WFDC9: variants seen among roughly 807,000 people sequenced by gnomAD.
WFDC9 encodes WAP four-disulfide core domain 9, also known as protein WFDC9.
Under a neutral mutation model 9.5 loss-of-function variants are expected in WFDC9, and 9 were observed. The ratio of observed to expected loss-of-function variants is 0.95; its 90% CI spans 0.57 to 1.65. WFDC9 has a LOEUF of 1.65. Ranked by LOEUF, WFDC9 falls within the 40% of genes most tolerant of loss-of-function variation. The pLI is 0.00. For synonymous variants in WFDC9, 33 were observed against 32.3 expected, an observed-to-expected ratio of 1.02 and a Z score of -0.07; for missense variants, 87 against 106.7, an observed-to-expected ratio of 0.82 and a Z score of 0.81.
At chr20:45,621,819 T>G (rs3091567) in intron 1 of WFDC9, among the ~76,000 whole-genome samples, 1 of 151,958 alleles carries the variant, frequency 6.6e-6, no homozygotes, top group Non-Finnish European at 1.5e-5. Context: ...ACCTGATTTC[T>G]TCTGGACTTT....
intron 1 of WFDC9, among the ~76,000 whole-genome samples, chr20:45,625,284 A>G (rs1158441618): frequency 6.6e-6 from 1 of 152,146 alleles, no homozygotes; most frequent in Non-Finnish European, 1.5e-5. Context: ...CTTACGATCC[A>G]ATCACCTCCT....
intron 2 of WFDC9, among the ~76,000 whole-genome samples, chr20:45,610,742 A>T (rs1192797480): frequency 1.3e-5 from 2 of 152,238 alleles, no homozygotes; most frequent in Admixed American, 1.3e-4. Flanking sequence ...TTGAGAAAAG[A>T]TGATGGCCAA....
chr20:45,610,626 AT>A (rs570176306), intron 2 of WFDC9, among the ~76,000 whole-genome samples: 51 of 152,342 alleles, frequency 3.3e-4, no homozygotes, highest in African/African-American at 1.2e-3. Context: ...CTGATATTTT[AT>A]TTTGAAGCAT....
chr20:45,624,316 T>C (rs1049608219), intron 1 of WFDC9, among the ~76,000 whole-genome samples: 1 of 152,214 alleles, frequency 6.6e-6, no homozygotes, highest in Non-Finnish European at 1.5e-5. Context: ...AGACTATGTG[T>C]TGTTTAATTT....
At chr20:45,613,894 G>A (rs937539812) in intron 2 of WFDC9, among the ~76,000 whole-genome samples, 1 of 152,160 alleles carries the variant, frequency 6.6e-6, no homozygotes, top group African/African-American at 2.4e-5. Context: ...TGAGGGATGA[G>A]GTAAGTGGGT....
intron 1 of WFDC9, among the ~76,000 whole-genome samples, chr20:45,619,663 G>A (rs1342285993): frequency 6.6e-6 from 1 of 152,158 alleles, no homozygotes; most frequent in Non-Finnish European, 1.5e-5. Context: ...AATGACAACT[G>A]TATAAAACAA....
rs1289619562 is a variant in WFDC9, at chr20:45,610,258, G to T, written c.-58-19C>A. The T allele has an allele frequency of 5.5e-6, 7 of 1,282,200 alleles. No individual in the cohort carries two copies. The highest frequency in any genetic ancestry group is 6.7e-6 in the Non-Finnish European group (6 of 895,214). 79.4% of individuals were successfully genotyped at this position (1,282,200 alleles called of 1,614,324 possible). Reference sequence around the variant, plus strand: ...CCCAATACTGCTAGACGTAGAAAATGGATTGAGGAGAACAGGGTAAGCAAC... The same window carrying T: ...CCCAATACTGCTAGACGTAGAAAATTGATTGAGGAGAACAGGGTAAGCAAC... On this transcript the variant is annotated intron_variant, in intron 2 of 4. Coordinates refer to ENST00000326000, the MANE Select transcript of WFDC9 (RefSeq NM_147198.4).
chr20:45,631,173 T>G, intron 1 of WFDC9, 30 bp downstream of exon 1: 1 of 807,714 alleles, frequency 1.2e-6, no homozygotes, highest in East Asian at 3.3e-5. Context: ...CCCTGTCAAA[T>G]AAACCAGAAC....
At chr20:45,608,925 C>A (rs1025460153) in intron 3 of WFDC9, 115 bp from the exon 4 acceptor site, 2 of 1,190,520 alleles carry the variant, frequency 1.7e-6, no homozygotes, top group South Asian at 1.7e-5. Flanking sequence ...TATTTCTCTG[C>A]CTTCCAAGAA....
chr20:45,628,615 CACTCTGTAAACTATAGGTACAAATATCAG>C (rs1297596426), intron 1 of WFDC9, among the ~76,000 whole-genome samples: 1 of 152,114 alleles, frequency 6.6e-6, no homozygotes. Flanking sequence ...GGTCAAATAC[CACTCTGTAAACTATAGGTACAAATATCAG>C]AATTTTTGAA....
intron 1 of WFDC9, chr20:45,630,960 A>G (rs143649068): frequency 1.2e-6 from 2 of 1,612,200 alleles, no homozygotes; most frequent in Admixed American, 1.7e-5. Context: ...CGAGATTGTC[A>G]AGCAAATAAC....
chr20:45,619,517 C>T (rs1982046099), intron 1 of WFDC9, among the ~76,000 whole-genome samples: 1 of 152,008 alleles, frequency 6.6e-6, no homozygotes, highest in South Asian at 2.1e-4. Flanking sequence ...TCAAGAAATA[C>T]TAGAGAAAAG....
At chr20:45,617,712 C>T (rs543823998) in intron 1 of WFDC9, among the ~76,000 whole-genome samples, 1 of 152,280 alleles carries the variant, frequency 6.6e-6, no homozygotes, top group African/African-American at 2.4e-5. Context: ...TGGTCTCAAA[C>T]TACTGGCTCA....
chr20:45,618,460 AC>A, intron 1 of WFDC9, among the ~76,000 whole-genome samples: 1 of 152,354 alleles, frequency 6.6e-6, no homozygotes, highest in Middle Eastern at 3.4e-3. Context: ...TCAGCTGTTA[AC>A]ATGCCTTCCT....
At chr20:45,611,127 C>G (rs1048798554) in intron 2 of WFDC9, among the ~76,000 whole-genome samples, 3 of 152,168 alleles carry the variant, frequency 2.0e-5, no homozygotes, top group African/African-American at 7.2e-5. Flanking sequence ...ACGAAAGAGT[C>G]AAGACCAGAA....
intron 2 of WFDC9, among the ~76,000 whole-genome samples, chr20:45,611,383 T>A (rs1981857164): frequency 6.6e-6 from 1 of 152,172 alleles, no homozygotes; most frequent in South Asian, 2.1e-4. Flanking sequence ...ATTTATGTAG[T>A]TGTGACTAAT....
chr20:45,629,949 G>A, intron 1 of WFDC9: 1 of 1,602,564 alleles, frequency 6.2e-7, no homozygotes, highest in African/African-American at 1.3e-5. Context: ...TTGGGTAGGG[G>A]GAATGGAGGG....
chr20:45,628,719 G>C (rs1982280104), intron 1 of WFDC9, among the ~76,000 whole-genome samples: 1 of 152,164 alleles, frequency 6.6e-6, no homozygotes, highest in African/African-American at 2.4e-5. Flanking sequence ...GGAAAGGCTA[G>C]AGAGCTTCCT....
chr20:45,609,483 G>A (rs2235598), intron 3 of WFDC9, among the ~76,000 whole-genome samples: 20,685 of 152,062 alleles, frequency 0.14, 1,844 homozygotes, highest in East Asian at 0.32. Context: ...TTACAGGTGT[G>A]AGACGCCGTG....
Sources: allele counts gnomAD v4.1 joint callset (sites outside exome capture counted in the v4.1 genomes callset), GRCh38; gene constraint gnomAD v4.1.1; transcripts MANE v1.5; gene names NCBI Gene and HGNC (gene_info 2026-07-23, HGNC 2026-07-21).